The following MAGI1 variants were observed in gnomAD, a reference collection of about 807,000 sequenced individuals.
MAGI1 encodes the protein membrane-associated guanylate kinase, WW and PDZ domain-containing protein 1.
Under a neutral mutation model 139.9 loss-of-function variants are expected in MAGI1, and 58 were observed. The ratio of observed to expected loss-of-function variants is 0.41; its 90% CI spans 0.34 to 0.52. MAGI1 has a LOEUF of 0.52. Ranked by LOEUF, MAGI1 falls within the 20% of genes least tolerant of loss-of-function variation. MAGI1 has a pLI of 0.12. For missense variants in MAGI1, 1,874 were observed against 1,901.6 expected (o/e 0.99, Z 0.27); for synonymous variants, 812 against 737.9 (o/e 1.10, Z -1.63).
At chr3:65,431,478 C>T (rs1210143824) in intron 10 of MAGI1, among the ~76,000 whole-genome samples, 2 of 152,004 alleles carry the variant, frequency 1.3e-5, no homozygotes, top group Admixed American at 1.3e-4. Context: ...CTGATTTTTT[C>T]CTATTTATCT....
intron 1 of MAGI1, among the ~76,000 whole-genome samples, chr3:66,031,080 C>A (rs1331840002): frequency 6.6e-6 from 1 of 152,212 alleles, no homozygotes; most frequent in Non-Finnish European, 1.5e-5. Context: ...TCTAGCAATG[C>A]ACCAGTGTGT....
intron 1 of MAGI1, among the ~76,000 whole-genome samples, chr3:65,827,212 C>T (rs1280608650): frequency 6.6e-6 from 1 of 152,056 alleles, no homozygotes; most frequent in Non-Finnish European, 1.5e-5. Flanking sequence ...ATATTCTGTG[C>T]TTCTCCCTGA....
intron 1 of MAGI1, among the ~76,000 whole-genome samples, chr3:65,756,019 A>G (rs1173742475): frequency 6.6e-6 from 1 of 152,194 alleles, no homozygotes; most frequent in Non-Finnish European, 1.5e-5. Flanking sequence ...AATAATTTCA[A>G]CTTTCACAAT....
intron 2 of MAGI1, among the ~76,000 whole-genome samples, chr3:65,606,718 A>G (rs2082761164): frequency 6.6e-6 from 1 of 152,124 alleles, no homozygotes; most frequent in Non-Finnish European, 1.5e-5. Context: ...GGGTTTCACC[A>G]TGTTGGCTAG....
chr3:65,622,666 C>T (rs977535402), intron 1 of MAGI1, among the ~76,000 whole-genome samples: 2 of 152,060 alleles, frequency 1.3e-5, no homozygotes, highest in Admixed American at 1.3e-4. Context: ...CAGATTCAAG[C>T]GATTCTCCTG....
At chr3:65,461,207 T>TA (rs1559574505) in intron 5 of MAGI1, among the ~76,000 whole-genome samples, 1 of 151,826 alleles carries the variant, frequency 6.6e-6, no homozygotes, top group Non-Finnish European at 1.5e-5. Context: ...TTTCTTGACT[T>TA]TTTATTTATT....
chr3:66,028,843 GT>G (rs945465515), intron 1 of MAGI1, among the ~76,000 whole-genome samples: 15 of 151,834 alleles, frequency 9.9e-5, no homozygotes, highest in African/African-American at 1.7e-4. Context: ...AAAAAAGAGT[GT>G]TTTTTTTCTA....
chr3:65,446,917 A>G (rs1948717767), intron 7 of MAGI1, among the ~76,000 whole-genome samples: 1 of 152,200 alleles, frequency 6.6e-6, no homozygotes, highest in Admixed American at 6.5e-5. Context: ...GTTAAGAAAA[A>G]CAGAGCTTGG....
intron 7 of MAGI1, among the ~76,000 whole-genome samples, chr3:65,446,240 A>G (rs1948665020): frequency 6.6e-6 from 1 of 152,228 alleles, no homozygotes. Context: ...AGGGACAAAT[A>G]TTAAAACACG....
At chr3:65,765,314 A>G (rs2037376782) in intron 1 of MAGI1, among the ~76,000 whole-genome samples, 1 of 152,226 alleles carries the variant, frequency 6.6e-6, no homozygotes, top group Non-Finnish European at 1.5e-5. Flanking sequence ...ATCCCATAAC[A>G]GGATTGCCAC....
At position 65,391,262 on chromosome 3, in the gene MAGI1, C is replaced by A; in HGVS notation, c.2296G>T (p.Val766Leu). The part of the protein sequence containing the change: ...HTASPSHSTQ[V>L]LPEFPPAEAQ... ...TCTGCAGGTGGGAACTCGGGGAGCACCTGTGTGCTGTGGCTTGGGGATGCT... is the reference window on the plus strand; with the variant it reads ...TCTGCAGGTGGGAACTCGGGGAGCAACTGTGTGCTGTGGCTTGGGGATGCT... The change falls in exon 14 of 23, where the codon GTG becomes TTG. Residue 766 changes from valine (V) to leucine (L), a missense_variant. Physicochemically the swap from Val to Leu is conservative, Grantham distance 32. Coordinates refer to ENST00000402939, the MANE Select transcript of MAGI1 (RefSeq NM_001033057.2). The A allele has an allele frequency of 6.2e-7, 1 of 1,614,088 alleles. No individual in the cohort carries two copies. Among genetic ancestry groups the A allele is most frequent in the African/African-American group, 1.3e-5 (1 of 75,000 alleles).
chr3:65,490,101 C>T (rs1004235056), intron 3 of MAGI1, among the ~76,000 whole-genome samples: 3 of 152,106 alleles, frequency 2.0e-5, no homozygotes, highest in African/African-American at 4.8e-5. Flanking sequence ...GGATCCACTA[C>T]AGGAGCAATT....
intron 1 of MAGI1, among the ~76,000 whole-genome samples, chr3:66,011,162 A>C (rs1320442888): frequency 6.6e-6 from 1 of 152,220 alleles, no homozygotes; most frequent in Non-Finnish European, 1.5e-5. Flanking sequence ...CTGTGACAAA[A>C]GGTTGGAGAT....
At chr3:65,430,293 G>A (rs1947356557) in intron 11 of MAGI1, among the ~76,000 whole-genome samples, 153 bp from the exon 12 acceptor site, 1 of 152,070 alleles carries the variant, frequency 6.6e-6, no homozygotes, top group Non-Finnish European at 1.5e-5. Flanking sequence ...GATTTTAACA[G>A]CTAATAAAGT....
chr3:65,744,544 T>C (rs1279592151), intron 1 of MAGI1, among the ~76,000 whole-genome samples: 4 of 152,176 alleles, frequency 2.6e-5, no homozygotes, highest in Non-Finnish European at 4.4e-5. Flanking sequence ...ACCAGGCTGA[T>C]GCAAAGGTTC....
intron 1 of MAGI1, among the ~76,000 whole-genome samples, chr3:65,919,647 T>A (rs932653832): frequency 7.3e-5 from 11 of 150,750 alleles, no homozygotes; most frequent in African/African-American, 2.2e-4. Flanking sequence ...GGAGGTAACT[T>A]GGATATATTT....
chr3:65,995,979 C>A (rs1184186546), intron 1 of MAGI1, among the ~76,000 whole-genome samples: 1 of 152,092 alleles, frequency 6.6e-6, no homozygotes, highest in African/African-American at 2.4e-5. Context: ...GGCTGGGTGA[C>A]AGAGAAAGAC....
chr3:65,576,511 T>C (rs2081186712), intron 2 of MAGI1, among the ~76,000 whole-genome samples: 1 of 152,228 alleles, frequency 6.6e-6, no homozygotes, highest in Admixed American at 6.5e-5. Flanking sequence ...GTCTTGTTGA[T>C]GATGCTGATG....
At chr3:65,958,984 C>T (rs1405296408) in intron 1 of MAGI1, among the ~76,000 whole-genome samples, 1 of 150,128 alleles carries the variant, frequency 6.7e-6, no homozygotes, top group African/African-American at 2.5e-5. Context: ...GAGACTGTAA[C>T]TCAAAAAAAA....
Sources: gnomAD v4.1 joint callset for allele counts (sites outside exome capture counted in the v4.1 genomes callset) on GRCh38, gnomAD v4.1.1 for gene constraint, MANE v1.5 for transcripts, NCBI Gene and HGNC (gene_info 2026-07-23, HGNC 2026-07-21) for gene names.